TTC6: variants seen among roughly 807,000 people sequenced by gnomAD.
TTC6 encodes tetratricopeptide repeat protein 6.
TTC6 carries 172 observed loss-of-function variants against 210.4 expected under a neutral mutation model. The ratio of observed to expected loss-of-function variants is 0.82; its 90% confidence interval spans 0.72 to 0.93. The LOEUF is 0.93. Among genes scored for constraint, TTC6 ranks in the 40% least tolerant of loss-of-function variants. The pLI is 0.00. For missense variants in TTC6, 2,414 were observed against 2,318.1 expected (o/e 1.04, Z -0.85); for synonymous variants, 804 against 819.6 (o/e 0.98, Z 0.32).
chr14:37,805,804 G>A (rs977259746), intron 21 of TTC6, among the ~76,000 whole-genome samples: 1 of 152,008 alleles, frequency 6.6e-6, no homozygotes, highest in South Asian at 2.1e-4. Context: ...AGTTTCAAGC[G>A]ATTCTCCTGC....
chr14:37,781,851 C>T (rs1191210576), intron 14 of TTC6, among the ~76,000 whole-genome samples: 1 of 152,172 alleles, frequency 6.6e-6, no homozygotes, highest in Non-Finnish European at 1.5e-5. Context: ...ATATGGCTAG[C>T]CAGTTTTCCC....
At chr14:37,601,510 A>G (rs2095615502) in intron 1 of TTC6, among the ~76,000 whole-genome samples, 1 of 152,186 alleles carries the variant, frequency 6.6e-6, no homozygotes, top group African/African-American at 2.4e-5. Flanking sequence ...AAAGTCCCCA[A>G]GTGAGAGGAT....
intron 8 of TTC6, 132 bp from the exon 11 acceptor site, chr14:37,737,528 G>C: frequency 2.1e-6 from 1 of 469,602 alleles, no homozygotes; most frequent in Non-Finnish European, 3.7e-6. Context: ...TTCAAACTCA[G>C]TATCTGTATT....
At chr14:37,813,127 G>A (rs993856729) in intron 25 of TTC6, among the ~76,000 whole-genome samples, 8 of 152,034 alleles carry the variant, frequency 5.3e-5, no homozygotes, top group East Asian at 1.9e-4. Context: ...GAACTGCAAC[G>A]TAACATTATG....
At chr14:37,747,996 C>G (rs1012881927) in intron 10 of TTC6, among the ~76,000 whole-genome samples, 16 of 152,138 alleles carry the variant, frequency 1.1e-4, no homozygotes, top group African/African-American at 3.4e-4. Context: ...GATTTGCATA[C>G]TAGGGGAAGC....
intron 29 of TTC6, among the ~76,000 whole-genome samples, chr14:37,836,164 A>G (rs1322275215): frequency 1.3e-5 from 2 of 152,198 alleles, no homozygotes; most frequent in Non-Finnish European, 2.9e-5. Context: ...GTCATCTTCC[A>G]TAAAGTCACT....
chr14:37,613,061 C>T (rs2139259297), intron 2 of TTC6, among the ~76,000 whole-genome samples: 1 of 151,952 alleles, frequency 6.6e-6, no homozygotes, highest in Non-Finnish European at 1.5e-5. Flanking sequence ...TCCTTGTTTC[C>T]AATTTTAGGG....
exon 10 of TTC6, chr14:37,739,033 A>T (rs1485542913): frequency 6.5e-7 from 1 of 1,535,466 alleles, no homozygotes; most frequent in East Asian, 2.4e-5. Context: ...CGTCTAAAAA[A>T]GCTGGCATTA....
intron 20 of TTC6, among the ~76,000 whole-genome samples, chr14:37,803,401 C>G (rs1253520509): frequency 2.0e-5 from 3 of 152,220 alleles, no homozygotes; most frequent in Admixed American, 1.3e-4. Context: ...ACAGCAGCCA[C>G]AGTACTTTCT....
At chr14:37,628,952 T>C (rs2095664869) in intron 1 of TTC6, among the ~76,000 whole-genome samples, 3 of 152,158 alleles carry the variant, frequency 2.0e-5, no homozygotes, top group Admixed American at 2.0e-4. Context: ...CTCTGTTCTG[T>C]TCCATTGGTC....
chr14:37,608,000 A>G (rs2095628187), intron 2 of TTC6, among the ~76,000 whole-genome samples: 1 of 152,112 alleles, frequency 6.6e-6, no homozygotes, highest in African/African-American at 2.4e-5. Flanking sequence ...TTTAATTTGT[A>G]TTTATGAGAT....
At chr14:37,699,869 C>T (rs2095821571) in intron 4 of TTC6, among the ~76,000 whole-genome samples, 1 of 152,024 alleles carries the variant, frequency 6.6e-6, no homozygotes, top group South Asian at 2.1e-4. Flanking sequence ...AGCTGAAACA[C>T]TAAAGATGAT....
intron 1 of TTC6, among the ~76,000 whole-genome samples, chr14:37,628,602 T>G (rs978341779): frequency 1.3e-5 from 2 of 152,202 alleles, no homozygotes; most frequent in African/African-American, 4.8e-5. Context: ...CAGAAGCTTT[T>G]TAGTTTAATT....
intron 14 of TTC6, among the ~76,000 whole-genome samples, chr14:37,781,801 G>A (rs954443561): frequency 6.6e-6 from 1 of 152,102 alleles, no homozygotes; most frequent in Non-Finnish European, 1.5e-5. Context: ...GTTAATTTTT[G>A]TATAAGGTGT....
At chr14:37,781,961 G>T (rs2139263791) in intron 14 of TTC6, among the ~76,000 whole-genome samples, 1 of 152,124 alleles carries the variant, frequency 6.6e-6, no homozygotes, top group Non-Finnish European at 1.5e-5. Context: ...ATTTCTGAGG[G>T]CTCTGTTCTG....
chr14:37,765,205 C>G (rs1301104292), intron 14 of TTC6, among the ~76,000 whole-genome samples: 1 of 151,906 alleles, frequency 6.6e-6, no homozygotes, highest in Admixed American at 6.6e-5. Context: ...CTCTGTGCCC[C>G]AGGCTGGAAT....
chr14:37,759,283 AG>A (rs1219977459), intron 14 of TTC6, among the ~76,000 whole-genome samples: 2 of 152,004 alleles, frequency 1.3e-5, no homozygotes, highest in East Asian at 3.9e-4. Flanking sequence ...AAAGAAAAAA[AG>A]AAAAAAAAGA....
chr14:37,632,854 C>T (rs529240712), intron 1 of TTC6, among the ~76,000 whole-genome samples: 1 of 152,312 alleles, frequency 6.6e-6, no homozygotes, highest in African/African-American at 2.4e-5. Flanking sequence ...TGGCTACAGC[C>T]AAGCTGTGGT....
intron 2 of TTC6, among the ~76,000 whole-genome samples, chr14:37,609,638 C>T (rs1260308385): frequency 6.6e-6 from 1 of 151,998 alleles, no homozygotes; most frequent in Non-Finnish European, 1.5e-5. Context: ...TATTAATGAA[C>T]ACTATTTATT....
Sources: allele counts gnomAD v4.1 joint callset (sites outside exome capture counted in the v4.1 genomes callset), GRCh38; gene constraint gnomAD v4.1.1; transcripts MANE v1.5; gene names NCBI Gene and HGNC (gene_info 2026-07-23, HGNC 2026-07-21).